DAPP1: variants seen among roughly 807,000 people sequenced by gnomAD.
DAPP1 encodes dual adapter for phosphotyrosine and 3-phosphotyrosine and 3-phosphoinositide.
Under a neutral mutation model 41.5 loss-of-function variants are expected in DAPP1, and 20 were observed. The ratio of observed to expected loss-of-function variants is 0.48; its 90% CI spans 0.34 to 0.70. The LOEUF (loss-of-function observed/expected upper bound fraction) is 0.70. Among genes scored for constraint, DAPP1 ranks in the 30% least tolerant of loss-of-function variants. DAPP1 has a pLI of 0.01. For missense variants in DAPP1, 233 were observed against 333.4 expected, an observed-to-expected ratio of 0.70 and a Z score of 2.35; for synonymous variants, 113 against 116.2, an observed-to-expected ratio of 0.97 and a Z score of 0.18.
At chr4:99,857,110 T>C (rs1724070507) in intron 4 of DAPP1, among the ~76,000 whole-genome samples, 1 of 152,240 alleles carries the variant, frequency 6.6e-6, no homozygotes, top group South Asian at 2.1e-4. Context: ...CTAACTATTC[T>C]TCAAAGAGTG....
chr4:99,821,007 G>A (rs531275611), intron 1 of DAPP1, among the ~76,000 whole-genome samples: 8 of 152,132 alleles, frequency 5.3e-5, no homozygotes, highest in African/African-American at 1.4e-4. Flanking sequence ...AAATGAGTCC[G>A]TATTATAAGG....
At chr4:99,841,325 G>A (rs991889340) in intron 3 of DAPP1, among the ~76,000 whole-genome samples, 5 of 152,176 alleles carry the variant, frequency 3.3e-5, no homozygotes, top group African/African-American at 1.2e-4. Flanking sequence ...TATGTGGTGT[G>A]GGTAGTCCCT....
intron 8 of DAPP1, chr4:99,866,766 A>ATTTTTTTTTTTTTTTTTTTT (rs11315402): frequency 2.9e-6 from 1 of 343,172 alleles, no homozygotes; most frequent in Non-Finnish European, 5.0e-6. Flanking sequence ...CTTTTTTTCT[A>ATTTTTTTTTTTTTTTTTTTT]TTTTTTTTTT....
chr4:99,846,650 A>G (rs1456512103), intron 3 of DAPP1, among the ~76,000 whole-genome samples: 2 of 152,250 alleles, frequency 1.3e-5, no homozygotes, highest in Non-Finnish European at 2.9e-5. Context: ...ATTTGCATTT[A>G]TCAAATGTTT....
rs554733718 is a variant in DAPP1 at position 99,831,522 on chromosome 4, C to T, written c.102-4101C>T. On this transcript the variant is annotated intron_variant, in intron 1 of 8. Transcript: ENST00000512369. ...TCCACTTTATTTATCATCTCCATGT[C>T]GATGGACATTTAGGATGGCTCTAGA... Among the ~76,000 whole-genome samples the T allele has an allele frequency of 1.6e-4, 24 of 152,294 alleles. 1 individual carries two copies. The South Asian group carries it at 5.0e-3, about 32-fold the overall frequency.
At chr4:99,858,293 A>G (rs1350879651) in intron 4 of DAPP1, among the ~76,000 whole-genome samples, 1 of 152,242 alleles carries the variant, frequency 6.6e-6, no homozygotes, top group Non-Finnish European at 1.5e-5. Flanking sequence ...ACTTTGACAC[A>G]TCTGAAATTA....
chr4:99,867,791 T>G (rs537153477), intron 8 of DAPP1, among the ~76,000 whole-genome samples: 1 of 152,334 alleles, frequency 6.6e-6, no homozygotes, highest in East Asian at 1.9e-4. Context: ...ATTATGAACA[T>G]TTTTCCATAT....
chr4:99,852,147 G>T (rs1327998655), intron 3 of DAPP1, among the ~76,000 whole-genome samples: 1 of 151,800 alleles, frequency 6.6e-6, no homozygotes, highest in Admixed American at 6.6e-5. Context: ...ACATAAGCTC[G>T]ATAAGAGCAT....
chr4:99,825,860 A>G (rs115752857), intron 1 of DAPP1, among the ~76,000 whole-genome samples: 1,672 of 152,318 alleles, frequency 0.011, 13 homozygotes, highest in Admixed American at 0.014. Flanking sequence ...GGGCAACACC[A>G]TCTTTCTTAG....
intron 3 of DAPP1, among the ~76,000 whole-genome samples, chr4:99,849,371 G>A (rs929138228): frequency 6.6e-6 from 1 of 152,184 alleles, no homozygotes; most frequent in Non-Finnish European, 1.5e-5. Context: ...CTGCATTACT[G>A]TAGCATTCAT....
chr4:99,821,317 T>C (rs1195321116), intron 1 of DAPP1, among the ~76,000 whole-genome samples: 1 of 152,208 alleles, frequency 6.6e-6, no homozygotes. Flanking sequence ...GTGACTTCAA[T>C]AAGCTAAGTA....
At chr4:99,846,134 G>C (rs961218221) in intron 3 of DAPP1, among the ~76,000 whole-genome samples, 1 of 152,058 alleles carries the variant, frequency 6.6e-6, no homozygotes, top group African/African-American at 2.4e-5. Context: ...GTTAGAAATG[G>C]GGAAGCAAAA....
chr4:99,839,523 G>A (rs1046875226), intron 2 of DAPP1, among the ~76,000 whole-genome samples: 3 of 152,006 alleles, frequency 2.0e-5, no homozygotes, highest in African/African-American at 4.8e-5. Flanking sequence ...GAACATGCAC[G>A]GGAGGAAAAG....
chr4:99,863,824 G>A lies in DAPP1; in HGVS notation c.655G>A (p.Asp219Asn), dbSNP rs745769238. ...AACAGAATGTTCAGCTGTACAATTCGATTATTCACAAGAAAGGGTAAACTG... is the reference window on the plus strand; with the variant it reads ...AACAGAATGTTCAGCTGTACAATTCAATTATTCACAAGAAAGGGTAAACTG... ...DLTECSAVQF[D>N]YSQERVNCFC... The change falls in exon 7 of 9, where the codon GAT becomes AAT. Residue 219 changes from aspartate to asparagine, a missense_variant. By Grantham distance (23) the Asp-to-Asn change is conservative. Transcript: ENST00000512369. 2.0e-5 allele frequency: 32 copies of A among 1,597,726 alleles called. No homozygotes were observed. Among genetic ancestry groups the A allele is most frequent in the Admixed American group, 5.2e-5 (3 of 58,046 alleles).
intron 3 of DAPP1, among the ~76,000 whole-genome samples, chr4:99,847,165 C>G (rs2110152916): frequency 6.6e-6 from 1 of 152,304 alleles, no homozygotes; most frequent in East Asian, 1.9e-4. Flanking sequence ...CCTTCAAACA[C>G]CTTACAGGCT....
intron 3 of DAPP1, among the ~76,000 whole-genome samples, chr4:99,846,360 G>A (rs1015431989): frequency 6.6e-6 from 1 of 152,092 alleles, no homozygotes; most frequent in Non-Finnish European, 1.5e-5. Context: ...CCGGCTCTGT[G>A]TGTCTCCTCA....
intron 3 of DAPP1, among the ~76,000 whole-genome samples, chr4:99,852,904 G>T (rs1723911703): frequency 6.6e-6 from 1 of 152,092 alleles, no homozygotes; most frequent in African/African-American, 2.4e-5. Context: ...GGTTCTTCAA[G>T]CAGTCTGGGG....
chr4:99,865,900 A>AATATAT (rs58862847), intron 7 of DAPP1, 134 bp from the exon 8 acceptor site: 1,004 of 70,140 alleles, frequency 0.014, 25 homozygotes, highest in East Asian at 0.021. Context: ...GTGTTCAACT[A>AATATAT]ATATATATAT....
rs1724526130 is a variant in DAPP1, at chr4:99,868,137, C to T, written c.795C>T (p.Leu265=). The change falls in exon 9 of 9, where the codon CTC becomes CTT. Residue 265 remains leucine (L), a synonymous_variant. Coordinates refer to ENST00000512369, the MANE Select transcript of DAPP1 (RefSeq NM_014395.3). Reference sequence around the variant, plus strand: ...TACAGTCACAAATAAGAAAACAGCTCAACCAAGGGGAAGGCACGATCCGAT... The same window carrying T: ...TACAGTCACAAATAAGAAAACAGCTTAACCAAGGGGAAGGCACGATCCGAT... ...RWKLSQIRKQ[L]NQGEGTIRSR... is the part of the protein sequence containing the mutation. 1 of 1,613,730 alleles carries T rather than the reference C, an allele frequency of 6.2e-7. No homozygotes were observed. Among genetic ancestry groups the T allele is most frequent in the South Asian group, 1.1e-5 (1 of 91,062 alleles).
Sources: allele counts gnomAD v4.1 joint callset (sites outside exome capture counted in the v4.1 genomes callset), GRCh38; gene constraint gnomAD v4.1.1; transcripts MANE v1.5; gene names NCBI Gene and HGNC (gene_info 2026-07-23, HGNC 2026-07-21).